The following ADAM28 variants were observed in gnomAD, a reference collection of about 807,000 sequenced individuals.
The protein encoded by ADAM28 is disintegrin and metalloproteinase domain-containing protein 28.
Under a neutral mutation model 101.2 loss-of-function variants are expected in ADAM28, and 105 were observed. The observed-to-expected ratio is 1.04, with a 90% CI of 0.89 to 1.22. ADAM28 has a LOEUF of 1.22. Ranked by LOEUF, ADAM28 falls within the 50% of genes most tolerant of loss-of-function variation. The pLI, the probability that ADAM28 is intolerant of heterozygous loss-of-function variation, is 0.00. For missense variants in ADAM28, 1,028 were observed against 945.4 expected (o/e 1.09, Z -1.15); for synonymous variants, 322 against 310.6 (o/e 1.04, Z -0.39).
chr8:24,329,213 A>G (rs901037497), intron 10 of ADAM28, among the ~76,000 whole-genome samples: 3 of 152,054 alleles, frequency 2.0e-5, no homozygotes, highest in Non-Finnish European at 1.5e-5. Flanking sequence ...CAACTTCCCA[A>G]CTTACACAGC....
chr8:24,349,134 C>A (rs376307825), intron 18 of ADAM28, among the ~76,000 whole-genome samples: 29 of 152,126 alleles, frequency 1.9e-4, no homozygotes, highest in African/African-American at 6.5e-4. Flanking sequence ...AAATATTAAT[C>A]ATGCTATTGG....
chr8:24,346,406 A>G (rs1325451545), intron 18 of ADAM28, among the ~76,000 whole-genome samples: 1 of 152,098 alleles, frequency 6.6e-6, no homozygotes, highest in East Asian at 1.9e-4. Flanking sequence ...TAATAAACAC[A>G]TATTTTACTA....
chr8:24,354,352 A>G (rs748726588), intron 22 of ADAM28, 32 bp from the exon 23 acceptor site: 23 of 1,503,996 alleles, frequency 1.5e-5, no homozygotes, highest in Non-Finnish European at 2.0e-5. Flanking sequence ...TTTTGAAGAA[A>G]GTTGATCATT....
rs1466399774 is a variant in ADAM28 at position 24,356,344 on chromosome 8, A to G, written c.*1940A>G. ...CCTAATCCTTTTTTATACTGATGGA[A>G]TGGAAATCTTAAATCTATGAATCCT... is the stretch of plus-strand genomic sequence containing the variant. On this transcript the variant is annotated 3_prime_UTR_variant, in exon 23 of 23. Transcript: ENST00000265769. The G allele has an allele frequency of 1.3e-5, 2 of 152,122 alleles. No homozygotes were observed. The highest frequency in any genetic ancestry group is 2.9e-5 in the Non-Finnish European group (2 of 68,020). The allele number at this position is 152,122 out of a possible 1,614,324, so 9.4% of individuals were successfully genotyped here.
In ADAM28 at chr8:24,331,304, G is replaced by A. The variant is rs764881770; in HGVS notation, c.1258G>A (p.Asp420Asn). The A allele has an allele frequency of 1.9e-6, 3 of 1,609,398 alleles. No homozygotes were observed. Among genetic ancestry groups the A allele is most frequent in the East Asian group, 2.2e-5 (1 of 44,722 alleles). Residue 420 changes from aspartate (D) to asparagine (N), a missense_variant, in exon 12 of 23, where the codon GAC becomes AAC. Physicochemically the swap from Asp to Asn is conservative, Grantham distance 23. Coordinates refer to ENST00000265769, the MANE Select transcript of ADAM28 (RefSeq NM_014265.6). Reference protein sequence around the residue: ...CGNQLVEMGEDCDCGTSEECT... With the variant: ...CGNQLVEMGENCDCGTSEECT... ...GAACCAGTTGGTGGAAATGGGAGAG[G>A]ACTGTGATTGTGGGACATCTGAGGT...
intron 7 of ADAM28, 34 bp from the exon 8 acceptor site, chr8:24,321,184 C>T (rs1170227173): frequency 7.4e-7 from 1 of 1,346,554 alleles, no homozygotes. Context: ...TCATTTTTAT[C>T]AATGCCCATA....
Position 24,320,257 on chromosome 8 carries a change from C to A in ADAM28, c.598C>A (p.Gln200Lys), listed in dbSNP as rs1323123831. The A allele has an allele frequency of 6.9e-6, 11 of 1,600,802 alleles. No homozygotes were observed. The highest frequency in any genetic ancestry group is 1.7e-4 in the Middle Eastern group (1 of 6,026). Residue 200 changes from glutamine (Q) to lysine (K), a missense_variant, in exon 7 of 23, where the codon CAG becomes AAG. Gln to Lys is a moderately conservative substitution (Grantham distance 53, BLOSUM62 1). Coordinates refer to ENST00000265769, the MANE Select transcript of ADAM28 (RefSeq NM_014265.6). Reference sequence around the variant, plus strand: ...TCAGAAATTGAAAGACAGGAAGGTTCAGGAACATGAGAAATACATAGAATA... The same window carrying A: ...TCAGAAATTGAAAGACAGGAAGGTTAAGGAACATGAGAAATACATAGAATA... ...KLVKLKDRKV[Q>K]EHEKYIEYYL... is the part of the protein sequence containing the mutation.
chr8:24,323,910 C>A lies in ADAM28; in HGVS notation c.797C>A (p.Thr266Asn). ...ACTGACAAGGATAAGATAAAGATAA[C>A]CCCAAATGCAAGCTTCACCTTGGAG... ...IWTDKDKIKI[T>N]PNASFTLENF... Residue 266 changes from threonine to asparagine, a missense_variant, in exon 9 of 23, where the codon ACC becomes AAC. Physicochemically the swap from Thr to Asn is moderately conservative, Grantham distance 65. Transcript: ENST00000265769. 1.9e-6 allele frequency: 3 copies of A among 1,612,204 alleles called. No individual in the cohort carries two copies. Among genetic ancestry groups the A allele is most frequent in the Non-Finnish European group, 2.5e-6 (3 of 1,178,830 alleles).
At chr8:24,329,567 G>C (rs1813065259) in intron 10 of ADAM28, among the ~76,000 whole-genome samples, 1 of 152,118 alleles carries the variant, frequency 6.6e-6, no homozygotes, top group Non-Finnish European at 1.5e-5. Flanking sequence ...ATGGAATTGA[G>C]AAAGATACAA....
At chr8:24,312,381 C>G (rs1265251937) in intron 5 of ADAM28, among the ~76,000 whole-genome samples, 2 of 152,024 alleles carry the variant, frequency 1.3e-5, no homozygotes, top group East Asian at 3.9e-4. Context: ...CTGCTTGCCC[C>G]TCAGCCCTGC....
chr8:24,346,366 C>T (rs75113938), intron 18 of ADAM28, among the ~76,000 whole-genome samples: 11,488 of 151,988 alleles, frequency 0.076, 786 homozygotes, highest in African/African-American at 0.18. Context: ...TAATTACTGA[C>T]CTACTGTTAG....
Position 24,349,861 on chromosome 8 carries a change from CA to C in ADAM28, c.1991-2del. The C allele has an allele frequency of 6.2e-7, 1 of 1,613,230 alleles. No homozygotes were observed. Among genetic ancestry groups the C allele is most frequent in the Admixed American group, 1.7e-5 (1 of 59,992 alleles). Reference sequence around the variant, plus strand: ...CTCAGCGGGCCCCTGTTCTCTGCTGCAGACTTCTCCATTGTGGTTGGGGTGC... The same window carrying C: ...CTCAGCGGGCCCCTGTTCTCTGCTGCGACTTCTCCATTGTGGTTGGGGTGC... On this transcript the variant is annotated splice_acceptor_variant, in intron 18 of 22. Coordinates refer to ENST00000265769, the MANE Select transcript of ADAM28 (RefSeq NM_014265.6). LOFTEE classifies it high-confidence loss of function.
intron 18 of ADAM28, among the ~76,000 whole-genome samples, chr8:24,347,220 A>G (rs1223324641): frequency 2.0e-5 from 3 of 152,104 alleles, no homozygotes; most frequent in African/African-American, 4.8e-5. Flanking sequence ...AAATAAGTCA[A>G]TTGGTTTGTG....
At chr8:24,330,137 G>C in intron 11 of ADAM28, 22 bp downstream of exon 11, 1 of 1,607,900 alleles carries the variant, frequency 6.2e-7, no homozygotes, top group Non-Finnish European at 8.5e-7. Flanking sequence ...TGGGCCCTGG[G>C]GACATGCTAT....
chr8:24,352,753 G>A (rs183723398), intron 21 of ADAM28, among the ~76,000 whole-genome samples: 5 of 152,114 alleles, frequency 3.3e-5, no homozygotes, highest in African/African-American at 1.2e-4. Flanking sequence ...TATTCTCATG[G>A]GTGGGGTCAT....
chr8:24,353,647 T>C (rs1380942420), intron 21 of ADAM28, 123 bp from the exon 22 acceptor site: 2 of 722,034 alleles, frequency 2.8e-6, no homozygotes, highest in Non-Finnish European at 4.7e-6. Context: ...CCTTGAAAGT[T>C]GGGTAGAATT....
intron 12 of ADAM28, 142 bp from the exon 13 acceptor site, chr8:24,332,518 A>AT (rs902645165): frequency 4.7e-5 from 19 of 404,246 alleles, no homozygotes; most frequent in African/African-American, 2.9e-4. Flanking sequence ...AGGTTTTCTA[A>AT]TTTTTTTTAT....
intron 3 of ADAM28, 44 bp downstream of exon 3, chr8:24,310,014 C>A (rs762081511): frequency 7.3e-6 from 11 of 1,502,274 alleles, no homozygotes; most frequent in South Asian, 6.9e-5. Flanking sequence ...AAGAGCAAGG[C>A]AGCCTATGGA....
intron 1 of ADAM28, among the ~76,000 whole-genome samples, chr8:24,297,092 G>C (rs910879740): frequency 6.6e-6 from 1 of 151,720 alleles, no homozygotes; most frequent in Non-Finnish European, 1.5e-5. Context: ...GAAGGAGCTG[G>C]AATTCCATTC....
Sources: allele counts gnomAD v4.1 joint callset (sites outside exome capture counted in the v4.1 genomes callset), GRCh38; gene constraint gnomAD v4.1.1; transcripts MANE v1.5; gene names NCBI Gene and HGNC (gene_info 2026-07-23, HGNC 2026-07-21).